Variants in ZNF638 observed in about 807,000 individuals in gnomAD.
ZNF638 encodes the protein zinc finger protein 638.
ZNF638 carries 46 observed loss-of-function variants against 195.6 expected under a neutral mutation model. The observed-to-expected ratio is 0.24, with a 90% CI of 0.19 to 0.30. The LOEUF (loss-of-function observed/expected upper bound fraction) is 0.30, where lower values mean the gene tolerates loss of function less well. Among genes scored for constraint, ZNF638 ranks in the 10% least tolerant of loss-of-function variants. The probability of loss-of-function intolerance (pLI) is 1.00; values close to 1 mark genes in which losing one functional copy is unlikely to be tolerated. For synonymous variants in ZNF638, 845 were observed against 772.0 expected (o/e 1.09, Z -1.57); for missense variants, 2,440 against 2,325.3 (o/e 1.05, Z -1.01).
chr2:71,334,295 C>T (rs1291108555), intron 1 of ZNF638, among the ~76,000 whole-genome samples: 2 of 152,136 alleles, frequency 1.3e-5, no homozygotes, highest in African/African-American at 4.8e-5. Context: ...AATAAAATGC[C>T]TTATATACTT....
intron 15 of ZNF638, among the ~76,000 whole-genome samples, chr2:71,401,672 G>A (rs2080007761): frequency 6.6e-6 from 1 of 151,244 alleles, no homozygotes; most frequent in South Asian, 2.1e-4. Context: ...GGGCAACAGA[G>A]CAAGACTAAA....
intron 4 of ZNF638, among the ~76,000 whole-genome samples, 200 bp downstream of exon 4, chr2:71,363,391 C>T (rs1304880782): frequency 6.6e-6 from 1 of 152,090 alleles, no homozygotes; most frequent in African/African-American, 2.4e-5. Flanking sequence ...TTAGCCTGTT[C>T]TGAAAATACT....
Position 71,349,248 on chromosome 2 carries a change from G to T in ZNF638, c.294G>T (p.Lys98Asn). 1.2e-6 allele frequency: 2 copies of T among 1,614,098 alleles called. No individual in the cohort carries two copies. The highest frequency in any genetic ancestry group is 1.7e-6 in the Non-Finnish European group (2 of 1,179,964). ...DFHEAQQKKG[K>N]PHGSRWDDEP... ...ATGAAGCACAACAGAAGAAGGGGAA[G>T]CCTCATGGTAGCCGGTGGGATGATG... The change falls in exon 2 of 28, where the codon AAG (lysine) becomes AAT (asparagine). Residue 98 changes from lysine (K) to asparagine (N), a missense_variant. Physicochemically the swap from Lys to Asn is moderately conservative, Grantham distance 94. This residue lies in a region of ZNF638 where 191 missense variants were observed against 173.8 expected (regional missense o/e 1.10). Transcript: ENST00000264447.
intron 10 of ZNF638, chr2:71,388,303 C>A: frequency 2.4e-6 from 1 of 424,162 alleles, no homozygotes; most frequent in Non-Finnish European, 4.5e-6. Flanking sequence ...TTTTGCCGAC[C>A]TTTGATCATC....
chr2:71,398,769 A>G lies in ZNF638; in HGVS notation c.2497A>G (p.Thr833Ala). 6.2e-7 allele frequency: 1 copy of G among 1,610,944 alleles called. No individual in the cohort carries two copies. Among genetic ancestry groups the G allele is most frequent in the Non-Finnish European group, 8.5e-7 (1 of 1,177,578 alleles). Residue 833 changes from threonine (T) to alanine (A), a missense_variant, in exon 12 of 28, where the codon ACA (threonine) becomes GCA (alanine). By Grantham distance (58) the Thr-to-Ala change is moderately conservative (BLOSUM62 0). Coordinates refer to ENST00000264447, the MANE Select transcript of ZNF638 (RefSeq NM_014497.5). ...TAAAGGTAATAAAGCTTCAATCAAA[A>G]CAGGTAAGACTATTGGGGAGGAGAG... Reference protein sequence around the residue: ...AVKGNKASIKTAKSGGKKSLE... With the variant: ...AVKGNKASIKAAKSGGKKSLE...
chr2:71,336,375 A>C (rs1357592471), intron 1 of ZNF638, among the ~76,000 whole-genome samples: 7 of 5,960 alleles, frequency 1.2e-3, no homozygotes, highest in African/African-American at 4.8e-3. Context: ...CCATCTCCAA[A>C]AAAAAAAAAA....
At chr2:71,431,019 C>G (rs1206083962) in intron 25 of ZNF638, 2 of 213,386 alleles carry the variant, frequency 9.4e-6, no homozygotes, top group Non-Finnish European at 1.9e-5. Flanking sequence ...CAGCTTAGCA[C>G]TTTGCATATA....
chr2:71,345,843 T>TC (rs1222451029), intron 1 of ZNF638, among the ~76,000 whole-genome samples: 2 of 152,136 alleles, frequency 1.3e-5, no homozygotes, highest in African/African-American at 4.8e-5. Flanking sequence ...TAGACATTGT[T>TC]CCCCTCTAAA....
intron 23 of ZNF638, 123 bp from the exon 24 acceptor site, chr2:71,426,337 A>AG: frequency 1.4e-6 from 1 of 715,198 alleles, no homozygotes; most frequent in Non-Finnish European, 2.3e-6. Flanking sequence ...TTTAGCCTTT[A>AG]GGAAAACTAA....
intron 27 of ZNF638, among the ~76,000 whole-genome samples, chr2:71,434,434 G>T (rs898724060): frequency 6.6e-6 from 1 of 152,032 alleles, no homozygotes; most frequent in Non-Finnish European, 1.5e-5. Flanking sequence ...GCTTACCACC[G>T]CCCCCAAAGT....
In ZNF638 at chr2:71,426,750, A is replaced by C; in HGVS notation, c.4881A>C (p.Glu1627Asp). 1 of 1,613,740 alleles carries C rather than the reference A, an allele frequency of 6.2e-7. No homozygotes were observed. Among genetic ancestry groups the C allele is most frequent in the Non-Finnish European group, 8.5e-7 (1 of 1,179,796 alleles). Reference protein sequence around the residue: ...ALVTVDEVIDEEELNMEEMVK... With the variant: ...ALVTVDEVIDDEELNMEEMVK... ...TCACTGTGGATGAAGTAATTGATGA[A>C]GAAGAACTAAATATGGAAGAAATGG... The change falls in exon 24 of 28, where the codon GAA becomes GAC. Residue 1627 changes from glutamate to aspartate, a missense_variant. Around this residue, in one of 5 missense-constraint regions of ZNF638, gnomAD observed 1,883 missense variants for 1,739.1 expected, o/e 1.08. Coordinates refer to ENST00000264447, the MANE Select transcript of ZNF638 (RefSeq NM_014497.5).
At chr2:71,352,090 A>G (rs2078950035) in intron 2 of ZNF638, among the ~76,000 whole-genome samples, 1 of 152,208 alleles carries the variant, frequency 6.6e-6, no homozygotes, top group South Asian at 2.1e-4. Flanking sequence ...AAATGCACTA[A>G]GTCTGTCTTG....
chr2:71,372,819 T>C (rs943259927), intron 8 of ZNF638, among the ~76,000 whole-genome samples: 6 of 152,242 alleles, frequency 3.9e-5, no homozygotes, highest in African/African-American at 1.4e-4. Context: ...CTCAATAATT[T>C]GATTTGGTAG....
intron 3 of ZNF638, among the ~76,000 whole-genome samples, chr2:71,362,174 G>A (rs977822033): frequency 2.6e-5 from 4 of 151,890 alleles, no homozygotes; most frequent in South Asian, 2.1e-4. Flanking sequence ...TAGTTTTTCC[G>A]TGATTGCTTC....
At chr2:71,404,528 G>C (rs1333681068) in intron 17 of ZNF638, among the ~76,000 whole-genome samples, 1 of 152,072 alleles carries the variant, frequency 6.6e-6, no homozygotes, top group Non-Finnish European at 1.5e-5. Context: ...ACCAGCCTGG[G>C]CAACAAAGTG....
At chr2:71,396,058 A>G (rs2079887071) in intron 10 of ZNF638, 83 bp from the exon 11 acceptor site, 2 of 1,327,508 alleles carry the variant, frequency 1.5e-6, no homozygotes, top group East Asian at 2.3e-5. Flanking sequence ...GTTCTTTCGA[A>G]ATTATTGCTA....
chr2:71,367,003 T>C (rs1372352918), intron 6 of ZNF638, among the ~76,000 whole-genome samples: 1 of 152,166 alleles, frequency 6.6e-6, no homozygotes, highest in Non-Finnish European at 1.5e-5. Flanking sequence ...AATGCATTGC[T>C]CTCAACAGTA....
In ZNF638 at chr2:71,434,103, G is replaced by T. The variant is rs573605412; in HGVS notation, c.5872-639G>T. Among the ~76,000 whole-genome samples the T allele has an allele frequency of 3.2e-4, 48 of 152,220 alleles. 1 individual carries two copies. Among genetic ancestry groups the T allele is most frequent in the Admixed American group, 2.9e-3 (45 of 15,294 alleles). On this transcript the variant is annotated intron_variant, in intron 27 of 27. Transcript: ENST00000264447. Reference sequence around the variant, plus strand: ...TTCTAGTAGCTTCATATTGCACTTGGTCTAATATCCAAACTTCTTATTTTG... The same window carrying T: ...TTCTAGTAGCTTCATATTGCACTTGTTCTAATATCCAAACTTCTTATTTTG...
chr2:71,368,301 G>C, intron 6 of ZNF638, 81 bp from the exon 7 acceptor site: 1 of 1,373,614 alleles, frequency 7.3e-7, no homozygotes, highest in Non-Finnish European at 9.8e-7. Context: ...ATTAGTGGTA[G>C]AAGAAATTAT....
Sources: gnomAD v4.1 joint callset for allele counts (sites outside exome capture counted in the v4.1 genomes callset) on GRCh38, gnomAD v4.1.1 for gene constraint, gnomAD v4.1.1 regional missense constraint, MANE v1.5 for transcripts, NCBI Gene and HGNC (gene_info 2026-07-23, HGNC 2026-07-21) for gene names.